The following PITRM1 variants were observed in gnomAD, a reference collection of about 807,000 sequenced individuals.
PITRM1 encodes pitrilysin metallopeptidase 1.
PITRM1 carries 100 observed loss-of-function variants against 129.9 expected under a neutral mutation model. The observed-to-expected ratio is 0.77, with a 90% CI of 0.65 to 0.91. The LOEUF (loss-of-function observed/expected upper bound fraction) is 0.91. Ranked by LOEUF, PITRM1 falls within the 40% of genes least tolerant of loss-of-function variation. The pLI is 0.00. For missense variants in PITRM1, 1,471 were observed against 1,318.3 expected, an observed-to-expected ratio of 1.12 and a Z score of -1.79; for synonymous variants, 591 against 508.8, an observed-to-expected ratio of 1.16 and a Z score of -2.17.
In PITRM1 at chr10:3,166,389, G is replaced by GAGA. The variant is rs58131139; in HGVS notation, c.267-10_267-9insTCT. Reference sequence around the variant, plus strand: ...TAGTACGGAACTGCACGCTAGGGAAGGAGAATGACCAGAACGCAAAAGGTT... The same window carrying GAGA: ...TAGTACGGAACTGCACGCTAGGGAAGAGAGAGAATGACCAGAACGCAAAAGGTT... On this transcript the variant is annotated splice_polypyrimidine_tract_variant and intron_variant, in intron 3 of 26. Transcript: ENST00000224949. 1.4e-5 allele frequency: 19 copies of GAGA among 1,375,328 alleles called. No individual in the cohort carries two copies. Among genetic ancestry groups the GAGA allele is most frequent in the Non-Finnish European group, 1.7e-5 (17 of 979,230 alleles). The allele number at this position is 1,375,328 out of a possible 1,614,324, so 85.2% of individuals were successfully genotyped here. A position where few individuals can be genotyped will look rare whatever the true frequency, so the allele number is the denominator to read the frequency against.
chr10:3,147,269 G>T lies in PITRM1; in HGVS notation c.2236-19C>A. 1 of 1,559,476 alleles carries T rather than the reference G, an allele frequency of 6.4e-7. No individual in the cohort carries two copies. ...GCCGCACCTAAGCCAGAGGAAACTC[G>T]CTCAGAGAGAGGCAGAGGCTACAAC... is the stretch of plus-strand genomic sequence containing the variant. On this transcript the variant is annotated intron_variant, in intron 19 of 26. Coordinates refer to ENST00000224949, the MANE Select transcript of PITRM1 (RefSeq NM_014889.4).
chr10:3,159,048 T>C lies in PITRM1; in HGVS notation c.1008-6A>G, dbSNP rs1842215885. 3 of 1,599,210 alleles carry C rather than the reference T, an allele frequency of 1.9e-6. No individual in the cohort carries two copies. Among genetic ancestry groups the C allele is most frequent in the Admixed American group, 3.6e-5 (2 of 56,318 alleles). On this transcript the variant is annotated splice_region_variant and splice_polypyrimidine_tract_variant and intron_variant, in intron 9 of 26. Coordinates refer to ENST00000224949, the MANE Select transcript of PITRM1 (RefSeq NM_014889.4). Reference sequence around the variant, plus strand: ...CTTCAAATGTGTCGGTGATGCTGCATTGAAAAAAAAAGGAACGGGGAGGTA... The same window carrying C: ...CTTCAAATGTGTCGGTGATGCTGCACTGAAAAAAAAAGGAACGGGGAGGTA...
At chr10:3,155,959 A>G (rs1031481333) in intron 13 of PITRM1, among the ~76,000 whole-genome samples, 1 of 152,172 alleles carries the variant, frequency 6.6e-6, no homozygotes, top group Admixed American at 6.5e-5. Flanking sequence ...GAATTCATAT[A>G]TGCTGTTATT....
At chr10:3,143,569 C>A in intron 22 of PITRM1, 68 bp from the exon 23 acceptor site, 1 of 1,081,976 alleles carries the variant, frequency 9.2e-7, no homozygotes, top group East Asian at 2.4e-5. Flanking sequence ...GGGACTGGAC[C>A]CACTCAGGGG....
At position 3,165,511 on chromosome 10, in the gene PITRM1, C is replaced by A. The variant is rs754414142; in HGVS notation, c.435G>T (p.Leu145=). The A allele has an allele frequency of 7.5e-6, 12 of 1,598,328 alleles. No homozygotes were observed. In the Admixed American group the frequency reaches 1.7e-4, roughly 22 times the overall value. The part of the protein sequence containing the change: ...MNAFTASDYT[L]YPFSTQNPKD... ...TGGGATTTTGTGTGGAAAATGGATACAGAGTATAATCACTAGCTGGGTACA... is the reference window on the plus strand; with the variant it reads ...TGGGATTTTGTGTGGAAAATGGATAAAGAGTATAATCACTAGCTGGGTACA... Residue 145 remains leucine (L), a synonymous_variant, in exon 5 of 27, where the codon CTG becomes CTT. Transcript: ENST00000224949.
At chr10:3,144,562 G>A (rs896876638) in intron 21 of PITRM1, among the ~76,000 whole-genome samples, 196 bp from the exon 22 acceptor site, 4 of 152,220 alleles carry the variant, frequency 2.6e-5, no homozygotes, top group Admixed American at 1.3e-4. Context: ...CCAGCACTTT[G>A]GAGGCTGAGG....
At chr10:3,156,682 T>G (rs1299446667) in intron 13 of PITRM1, among the ~76,000 whole-genome samples, 3 of 148,796 alleles carry the variant, frequency 2.0e-5, no homozygotes, top group African/African-American at 7.4e-5. Context: ...GCAGATGTTT[T>G]GTTCATACAC....
At chr10:3,163,595 G>A in intron 7 of PITRM1, 130 bp downstream of exon 7, 1 of 814,860 alleles carries the variant, frequency 1.2e-6, no homozygotes, top group South Asian at 1.9e-5. Flanking sequence ...CTTAGGCCAA[G>A]AATCTTACCT....
chr10:3,167,338 T>C (rs527303017), intron 2 of PITRM1, among the ~76,000 whole-genome samples: 1 of 152,358 alleles, frequency 6.6e-6, no homozygotes, highest in South Asian at 2.1e-4. Flanking sequence ...TGGCTAGGTA[T>C]TTTAGATTTT....
intron 26 of PITRM1, 43 bp downstream of exon 26, chr10:3,138,192 G>A (rs1187972136): frequency 4.4e-6 from 7 of 1,581,740 alleles, no homozygotes; most frequent in African/African-American, 1.3e-5. Context: ...GTCAGCACGA[G>A]GGCTTCCAGT....
At chr10:3,155,937 G>A (rs1033654220) in intron 13 of PITRM1, among the ~76,000 whole-genome samples, 6 of 152,156 alleles carry the variant, frequency 3.9e-5, no homozygotes, top group Non-Finnish European at 5.9e-5. Flanking sequence ...ACCTGCCTAT[G>A]TAGTAAGCAC....
intron 4 of PITRM1, among the ~76,000 whole-genome samples, 199 bp from the exon 5 acceptor site, chr10:3,165,726 T>C (rs1213909473): frequency 6.6e-6 from 1 of 152,130 alleles, no homozygotes; most frequent in Non-Finnish European, 1.5e-5. Flanking sequence ...TCCCATCCCG[T>C]CTCAGGATCT....
chr10:3,168,786 G>C (rs1361260826), intron 2 of PITRM1, among the ~76,000 whole-genome samples: 1 of 152,092 alleles, frequency 6.6e-6, no homozygotes, highest in Non-Finnish European at 1.5e-5. Context: ...TCACTTTTTA[G>C]CTCATACTTT....
intron 19 of PITRM1, 108 bp from the exon 20 acceptor site, chr10:3,147,358 G>A: frequency 1.0e-6 from 1 of 1,002,760 alleles, no homozygotes; most frequent in Non-Finnish European, 1.5e-6. Context: ...GGGGTTATGT[G>A]TGCGAGTGCA....
intron 18 of PITRM1, 88 bp downstream of exon 18, chr10:3,147,899 A>G: frequency 1.6e-6 from 2 of 1,216,616 alleles, no homozygotes; most frequent in South Asian, 2.5e-5. Context: ...ACAACAACAC[A>G]CACGAGTAAA....
chr10:3,142,467 A>C (rs1425952509), intron 23 of PITRM1, among the ~76,000 whole-genome samples: 1 of 152,256 alleles, frequency 6.6e-6, no homozygotes, highest in Non-Finnish European at 1.5e-5. Flanking sequence ...GGACACAGGA[A>C]GTGAATTTCC....
chr10:3,166,934 A>C lies in PITRM1; in HGVS notation c.266+2T>G, dbSNP rs1008875661. On this transcript the variant is annotated splice_donor_variant, in intron 3 of 26. Transcript: ENST00000224949. LOFTEE classifies it high-confidence loss of function. Reference sequence around the variant, plus strand: ...ACCATGTTCTTACAATGCACCACACACCTGAACAGATTATTCGTGTCTTCT... The same window carrying C: ...ACCATGTTCTTACAATGCACCACACCCCTGAACAGATTATTCGTGTCTTCT... 4.5e-6 allele frequency: 7 copies of C among 1,561,044 alleles called. No homozygotes were observed. Among genetic ancestry groups the C allele is most frequent in the Non-Finnish European group, 6.2e-6 (7 of 1,134,378 alleles).
At chr10:3,164,667 A>G (rs1400767641) in intron 6 of PITRM1, among the ~76,000 whole-genome samples, 1 of 152,200 alleles carries the variant, frequency 6.6e-6, no homozygotes, top group Non-Finnish European at 1.5e-5. Flanking sequence ...GTGTGTTTAT[A>G]TAATTTTTCT....
chr10:3,143,418 A>G lies in PITRM1; in HGVS notation c.2616T>C (p.Thr872=). 1.2e-6 allele frequency: 2 copies of G among 1,612,898 alleles called. No homozygotes were observed. The highest frequency in any genetic ancestry group is 1.7e-6 in the Non-Finnish European group (2 of 1,178,898). ...PVNYVGECIR[T]VPYTDPDHAS... ...CATGATCTGGGTCCGTGTAGGGGAC[A>G]GTTCGGATGCATTCACCCACGTAAT... The change falls in exon 23 of 27, where the codon ACT becomes ACC. Residue 872 remains threonine, a synonymous_variant. Transcript: ENST00000224949.
Sources: gnomAD v4.1 joint callset for allele counts (sites outside exome capture counted in the v4.1 genomes callset) on GRCh38, gnomAD v4.1.1 for gene constraint, MANE v1.5 for transcripts, NCBI Gene and HGNC (gene_info 2026-07-23, HGNC 2026-07-21) for gene names.